Variants in DCC observed in about 807,000 individuals in gnomAD.
DCC encodes netrin receptor DCC.
In DCC, 58 loss-of-function variants were observed where a neutral mutation model predicts 172.5. That is an observed-to-expected ratio of 0.34 (90% CI 0.27 to 0.42). The LOEUF (loss-of-function observed/expected upper bound fraction) is 0.42. DCC is among the 10% of genes least tolerant of loss of function. The probability of loss-of-function intolerance (pLI) is 1.00; values close to 1 mark genes in which losing one functional copy is unlikely to be tolerated. For synonymous variants in DCC, 709 were observed against 644.5 expected (o/e 1.10, Z -1.52); for missense variants, 1,740 against 1,791.0 (o/e 0.97, Z 0.51).
At chr18:52,739,503 C>T (rs367747871) in intron 1 of DCC, among the ~76,000 whole-genome samples, 3 of 152,220 alleles carry the variant, frequency 2.0e-5, no homozygotes, top group South Asian at 4.1e-4. Flanking sequence ...TGATCTGCAA[C>T]AGGAAGATCA....
At chr18:53,470,692 G>T (rs990104549) in intron 25 of DCC, among the ~76,000 whole-genome samples, 3 of 152,078 alleles carry the variant, frequency 2.0e-5, no homozygotes, top group Admixed American at 2.0e-4. Context: ...TGAAGGAAAA[G>T]CAAGTACCTT....
At chr18:52,818,985 A>T (rs2038354402) in intron 2 of DCC, among the ~76,000 whole-genome samples, 1 of 152,214 alleles carries the variant, frequency 6.6e-6, no homozygotes. Flanking sequence ...GTGACTTAAC[A>T]CTACGGAGTT....
In DCC at chr18:52,613,860, C is replaced by T. The variant is rs147915428; in HGVS notation, c.92-138194C>T. ...GGTCCTATACTGGTGGTGTTATATC[C>T]AACACTGGGAAGGCTATTTCCTCAT... On this transcript the variant is annotated intron_variant, in intron 1 of 28. Transcript: ENST00000442544. Among the ~76,000 whole-genome samples the T allele has an allele frequency of 6.4e-3, 976 of 152,210 alleles. 7 individuals carry two copies. Among genetic ancestry groups the T allele is most frequent in the Non-Finnish European group, 0.011 (766 of 68,020 alleles).
intron 1 of DCC, among the ~76,000 whole-genome samples, chr18:52,613,159 T>C (rs925048652): frequency 1.3e-5 from 2 of 152,234 alleles, no homozygotes; most frequent in African/African-American, 4.8e-5. Flanking sequence ...TTTCCCCTAA[T>C]GTATCTCATG....
intron 5 of DCC, among the ~76,000 whole-genome samples, chr18:53,024,244 AAC>A (rs2041924933): frequency 6.6e-6 from 1 of 152,192 alleles, no homozygotes; most frequent in Non-Finnish European, 1.5e-5. Flanking sequence ...TATGATATAA[AAC>A]ACATATAAAA....
At chr18:53,336,498 AG>A (rs2144860805) in intron 14 of DCC, among the ~76,000 whole-genome samples, 1 of 152,294 alleles carries the variant, frequency 6.6e-6, no homozygotes, top group South Asian at 2.1e-4. Flanking sequence ...TGAATGGCTT[AG>A]GTCTAATACT....
chr18:52,774,504 C>T (rs569150842), intron 2 of DCC, among the ~76,000 whole-genome samples: 7 of 152,344 alleles, frequency 4.6e-5, no homozygotes, highest in Admixed American at 1.3e-4. Flanking sequence ...AGCCATTACT[C>T]CCAAGGTAAA....
chr18:52,371,259 T>C (rs1023226350), intron 1 of DCC, among the ~76,000 whole-genome samples: 1 of 152,196 alleles, frequency 6.6e-6, no homozygotes, highest in African/African-American at 2.4e-5. Flanking sequence ...TGCCACAAAA[T>C]TTGTCTATGT....
intron 2 of DCC, among the ~76,000 whole-genome samples, chr18:52,862,787 T>A (rs1381364038): frequency 6.6e-6 from 1 of 152,142 alleles, no homozygotes; most frequent in Admixed American, 6.6e-5. Flanking sequence ...GGTTTCCAAA[T>A]AATCAAAAGA....
At chr18:53,226,934 G>GTGTATATATATATATATATATA (rs34949557) in intron 12 of DCC, among the ~76,000 whole-genome samples, 13 of 68,120 alleles carry the variant, frequency 1.9e-4, no homozygotes, top group Admixed American at 3.5e-4. Context: ...GTGTGTGTGT[G>GTGTATATATATATATATATATA]TATATATATA....
intron 5 of DCC, among the ~76,000 whole-genome samples, chr18:53,037,278 G>T (rs1008869955): frequency 6.6e-6 from 1 of 152,006 alleles, no homozygotes; most frequent in Non-Finnish European, 1.5e-5. Flanking sequence ...GAGGATAAAT[G>T]AACTGGCAAT....
intron 1 of DCC, among the ~76,000 whole-genome samples, chr18:52,610,444 C>T (rs1475423971): frequency 7.3e-6 from 1 of 137,722 alleles, no homozygotes; most frequent in East Asian, 2.1e-4. Context: ...CCTAAAATAC[C>T]TTTGGAAATA....
In DCC at chr18:53,300,993, T is replaced by TTTCTTTCTTTCTTTCTTTC. The variant is rs1295331909; in HGVS notation, c.1912-4583_1912-4582insCTTTCTTTCTTTCTTTCTT. Among the ~76,000 whole-genome samples, 6 of 11,402 alleles carry TTTCTTTCTTTCTTTCTTTC rather than the reference T, an allele frequency of 5.3e-4. 1 individual carries two copies. The highest frequency in any genetic ancestry group is 1.9e-3 in the Admixed American group (1 of 540). 7.5% of individuals were successfully genotyped at this position (11,402 alleles called of 152,430 possible). ...TCTTTCTTTCTTTCTTTCTTTCTTT[T>TTTCTTTCTTTCTTTCTTTC]TTTTTCTTTTCTTTCTTTTCACTCT... On this transcript the variant is annotated intron_variant, in intron 12 of 28. Transcript: ENST00000442544.
intron 2 of DCC, among the ~76,000 whole-genome samples, chr18:52,809,697 TAACA>T (rs750161970): frequency 2.6e-5 from 4 of 152,224 alleles, no homozygotes; most frequent in African/African-American, 7.2e-5. Context: ...ACTTGTGCCC[TAACA>T]AACACAGACC....
At chr18:52,986,087 C>T (rs765171877) in intron 5 of DCC, among the ~76,000 whole-genome samples, 2 of 152,106 alleles carry the variant, frequency 1.3e-5, no homozygotes, top group Middle Eastern at 3.2e-3. Flanking sequence ...TAAGTAATGT[C>T]TCTGTCACCA....
chr18:52,411,642 T>C (rs1471359389), intron 1 of DCC, among the ~76,000 whole-genome samples: 1 of 152,178 alleles, frequency 6.6e-6, no homozygotes, highest in African/African-American at 2.4e-5. Flanking sequence ...TCATGAATAG[T>C]GAAGTACTTA....
At chr18:53,007,069 AC>A (rs1351634904) in intron 5 of DCC, among the ~76,000 whole-genome samples, 1 of 152,330 alleles carries the variant, frequency 6.6e-6, no homozygotes, top group Non-Finnish European at 1.5e-5. Flanking sequence ...AAATGAACAA[AC>A]AAAAAGCAGA....
intron 1 of DCC, among the ~76,000 whole-genome samples, chr18:52,402,932 C>T (rs1311463241): frequency 1.3e-5 from 2 of 151,966 alleles, no homozygotes; most frequent in East Asian, 3.9e-4. Flanking sequence ...TAAAACAGTA[C>T]AGTCAGTGTT....
intron 1 of DCC, among the ~76,000 whole-genome samples, chr18:52,735,707 A>G (rs1480208911): frequency 6.6e-6 from 1 of 151,832 alleles, no homozygotes; most frequent in Non-Finnish European, 1.5e-5. Flanking sequence ...AGGCTGGAAG[A>G]CTCCATCTTT....
Sources: allele counts gnomAD v4.1 joint callset (sites outside exome capture counted in the v4.1 genomes callset), GRCh38; gene constraint gnomAD v4.1.1; transcripts MANE v1.5; gene names NCBI Gene and HGNC (gene_info 2026-07-23, HGNC 2026-07-21).